EFR3B: variants seen among roughly 807,000 people sequenced by gnomAD.
EFR3B encodes the protein EFR3 homolog B, also known as protein EFR3 homolog B.
In EFR3B, 64 loss-of-function variants were observed where a neutral mutation model predicts 104.7. The observed-to-expected ratio is 0.61, with a 90% CI of 0.50 to 0.75. EFR3B has a LOEUF of 0.75. Among genes scored for constraint, EFR3B ranks in the 30% least tolerant of loss-of-function variants. EFR3B has a pLI of 0.00. For missense variants in EFR3B, 750 were observed against 1,078.5 expected, an observed-to-expected ratio of 0.70 and a Z score of 4.27; for synonymous variants, 385 against 417.9, an observed-to-expected ratio of 0.92 and a Z score of 0.96.
At chr2:25,105,040 T>C (rs1172807714) in intron 4 of EFR3B, among the ~76,000 whole-genome samples, 1 of 152,258 alleles carries the variant, frequency 6.6e-6, no homozygotes, top group Non-Finnish European at 1.5e-5. Context: ...CAGGTCTTCA[T>C]GCAGCTTAGA....
chr2:25,061,498 C>CA lies in EFR3B; in HGVS notation c.7+19179_7+19180insA, dbSNP rs1341475525. On this transcript the variant is annotated intron_variant, in intron 1 of 22. Coordinates refer to ENST00000403714, the MANE Select transcript of EFR3B (RefSeq NM_014971.2). Reference sequence around the variant, plus strand: ...AGTGAACACCAATAAGCTTTATTTACTTTTTTTTTTTCTGAGACGGAGTCT... The same window carrying CA: ...AGTGAACACCAATAAGCTTTATTTACATTTTTTTTTTTCTGAGACGGAGTCT... Among the ~76,000 whole-genome samples, 4 of 146,104 alleles carry CA rather than the reference C, an allele frequency of 2.7e-5. No individual in the cohort carries two copies. In the East Asian group the frequency reaches 8.0e-4, roughly 29 times the overall value.
chr2:25,135,526 C>G lies in EFR3B; in HGVS notation c.1371C>G (p.Asp457Glu). Residue 457 changes from aspartate to glutamate, a missense_variant, in exon 13 of 23, where the codon GAC (aspartate) becomes GAG (glutamate). Coordinates refer to ENST00000403714, the MANE Select transcript of EFR3B (RefSeq NM_014971.2). The part of the protein sequence containing the change: ...MMSALPSNFL[D>E]RLLSTALMED... ...CAGCCCTGCCTAGCAACTTCCTGGA[C>G]CGCCTTCTCTCCACCGCCCTCATGG... 1 of 1,551,846 alleles carries G rather than the reference C, an allele frequency of 6.4e-7. No homozygotes were observed. The highest frequency in any genetic ancestry group is 1.2e-5 in the South Asian group (1 of 84,060).
At position 25,156,316 on chromosome 2, in the gene EFR3B, GAGACAC is replaced by G. The variant is rs1671169353; in HGVS notation, c.*1977_*1982del. On this transcript the variant is annotated 3_prime_UTR_variant, in exon 23 of 23. Coordinates refer to ENST00000403714, the MANE Select transcript of EFR3B (RefSeq NM_014971.2). ...TTTTTTTTTTTTTTTTTTTTTTTTT[GAGACAC>G]CGTCTCGCTCTGTCACCCAGGCTGG... 1.0e-4 allele frequency: 1 copy of G among 10,032 alleles called. No individual in the cohort carries two copies. The highest frequency in any genetic ancestry group is 2.2e-4 in the Non-Finnish European group (1 of 4,516). The allele number at this position is 10,032 out of a possible 1,614,324, so 0.6% of individuals were successfully genotyped here.
intron 1 of EFR3B, among the ~76,000 whole-genome samples, chr2:25,070,199 G>A (rs1209584794): frequency 6.6e-6 from 1 of 152,134 alleles, no homozygotes; most frequent in Non-Finnish European, 1.5e-5. Context: ...CCAGAGTCGA[G>A]TCCCACCTCC....
At chr2:25,117,955 A>G (rs1471675903) in intron 4 of EFR3B, among the ~76,000 whole-genome samples, 1 of 152,026 alleles carries the variant, frequency 6.6e-6, no homozygotes, top group Non-Finnish European at 1.5e-5. Flanking sequence ...CAAGCTTGAC[A>G]TTTTATTTTA....
intron 5 of EFR3B, among the ~76,000 whole-genome samples, chr2:25,124,308 G>C (rs551967375): frequency 9.2e-4 from 138 of 150,702 alleles, no homozygotes; most frequent in Middle Eastern, 3.4e-3. Flanking sequence ...GTGTGTGTGT[G>C]TGTGTGTGTG....
intron 5 of EFR3B, among the ~76,000 whole-genome samples, chr2:25,125,505 C>A (rs778759450): frequency 2.0e-5 from 3 of 152,210 alleles, no homozygotes; most frequent in African/African-American, 4.8e-5. Context: ...GTCAGGACAG[C>A]GTGGCCAGGT....
In EFR3B at chr2:25,130,749, G is replaced by A. The variant is rs551958145; in HGVS notation, c.849+119G>A. The A allele has an allele frequency of 2.1e-4, 185 of 879,122 alleles. 1 individual carries two copies. The African/African-American group carries it at 2.5e-3, about 12-fold the overall frequency. 54.5% of individuals were successfully genotyped at this position (879,122 alleles called of 1,614,324 possible). A position where few individuals can be genotyped will look rare whatever the true frequency, so the allele number is the denominator to read the frequency against. On this transcript the variant is annotated intron_variant, in intron 8 of 22. Transcript: ENST00000403714. This position sits in a 1 kb window ranked among gnomAD's most constrained non-coding sequence, Gnocchi z 4.6. ...GACTCCTCCGAAGCCCCCAGTTGCCGAAACCAGTGCTGCTTAAGCTAGCTG... is the reference window on the plus strand; with the variant it reads ...GACTCCTCCGAAGCCCCCAGTTGCCAAAACCAGTGCTGCTTAAGCTAGCTG...
intron 3 of EFR3B, among the ~76,000 whole-genome samples, chr2:25,094,979 T>G (rs974691297): frequency 6.6e-6 from 1 of 151,898 alleles, no homozygotes; most frequent in African/African-American, 2.4e-5. Context: ...TTTGTAGAAA[T>G]GGAGTTTCAC....
chr2:25,090,448 CA>C (rs1472494232), intron 1 of EFR3B, among the ~76,000 whole-genome samples: 1 of 152,218 alleles, frequency 6.6e-6, no homozygotes, highest in Non-Finnish European at 1.5e-5. Context: ...TTCCTAACAC[CA>C]TCACTTCACA....
intron 10 of EFR3B, among the ~76,000 whole-genome samples, chr2:25,132,522 G>A (rs1670374311): frequency 6.6e-6 from 1 of 152,094 alleles, no homozygotes; most frequent in South Asian, 2.1e-4. Context: ...TTCTCTCTTA[G>A]TTCGTGGGAG....
chr2:25,134,892 G>A (rs772657722), intron 12 of EFR3B, among the ~76,000 whole-genome samples: 2 of 152,204 alleles, frequency 1.3e-5, no homozygotes, highest in African/African-American at 2.4e-5. Context: ...GTGCTTTGCT[G>A]CATTTGAATG....
intron 20 of EFR3B, among the ~76,000 whole-genome samples, chr2:25,150,000 G>T (rs1215274385): frequency 6.6e-6 from 1 of 152,156 alleles, no homozygotes; most frequent in African/African-American, 2.4e-5. Flanking sequence ...AAAGACAGCT[G>T]CCTTTAAAAG....
chr2:25,098,273 T>C (rs949414034), intron 3 of EFR3B, among the ~76,000 whole-genome samples: 6 of 152,122 alleles, frequency 3.9e-5, no homozygotes, highest in Admixed American at 2.0e-4. Flanking sequence ...CTTGAGCGAT[T>C]CTTGTGCAAA....
intron 5 of EFR3B, 151 bp from the exon 6 acceptor site, chr2:25,128,032 G>A (rs1670213980): frequency 2.5e-6 from 2 of 813,698 alleles, no homozygotes; most frequent in East Asian, 2.7e-5. Context: ...AGCACCAGGA[G>A]GTCTCATGAG....
chr2:25,118,628 G>A lies in EFR3B; in HGVS notation c.364-3045G>A, dbSNP rs150463766. Among the ~76,000 whole-genome samples, 350 of 144,136 alleles carry A rather than the reference G, an allele frequency of 2.4e-3. 1 individual carries two copies. Among genetic ancestry groups the A allele is most frequent in the Middle Eastern group, 0.011 (3 of 268 alleles). 94.6% of individuals were successfully genotyped at this position (144,136 alleles called of 152,430 possible). On this transcript the variant is annotated intron_variant, in intron 4 of 22. Transcript: ENST00000403714. ...TTAACCGTGGTGACTATTTCACAGC[G>A]TATGTCAAAAACAGCAAGTTGGAGG... is the stretch of plus-strand genomic sequence containing the variant.
chr2:25,080,508 T>G, intron 1 of EFR3B: 1 of 479,938 alleles, frequency 2.1e-6, no homozygotes, highest in Non-Finnish European at 3.7e-6. Flanking sequence ...TTGGCCAGAC[T>G]GTTCTTGACC....
At chr2:25,080,557 G>C (rs1202822179) in intron 1 of EFR3B, 2 of 499,480 alleles carry the variant, frequency 4.0e-6, no homozygotes, top group African/African-American at 2.0e-5. Context: ...GCCTCCCAAA[G>C]TGTTGGGATT....
rs986904214 is a variant in EFR3B at position 25,155,473 on chromosome 2, G to C, written c.*1133G>C. On this transcript the variant is annotated 3_prime_UTR_variant, in exon 23 of 23. Transcript: ENST00000403714. Reference sequence around the variant, plus strand: ...GGGAGGAGCCATGGAGACCCCTTTGGGTTCTGGGTTCCTGTTTTCCTGGTG... The same window carrying C: ...GGGAGGAGCCATGGAGACCCCTTTGCGTTCTGGGTTCCTGTTTTCCTGGTG... The C allele has an allele frequency of 1.1e-4, 16 of 152,242 alleles. No individual in the cohort carries two copies. Among genetic ancestry groups the C allele is most frequent in the African/African-American group, 3.6e-4 (15 of 41,424 alleles). 9.4% of individuals were successfully genotyped at this position (152,242 alleles called of 1,614,324 possible). A position where few individuals can be genotyped will look rare whatever the true frequency, so the allele number is the denominator to read the frequency against.
Sources: gnomAD v4.1 joint callset for allele counts (sites outside exome capture counted in the v4.1 genomes callset) on GRCh38, gnomAD v4.1.1 for gene constraint, Gnocchi (gnomAD v3.1) non-coding constraint, MANE v1.5 for transcripts, NCBI Gene and HGNC (gene_info 2026-07-23, HGNC 2026-07-21) for gene names.